TEX11: variants seen among roughly 807,000 people sequenced by gnomAD.
TEX11 encodes testis-expressed protein 11.
TEX11 carries 7 observed loss-of-function variants against 84.4 expected under a neutral mutation model. The observed-to-expected ratio is 0.08, with a 90% confidence interval of 0.05 to 0.16. TEX11 has a LOEUF of 0.16. Among genes scored for constraint, TEX11 ranks in the 10% least tolerant of loss-of-function variants. The probability of loss-of-function intolerance (pLI) is 1.00; values close to 1 mark genes in which losing one functional copy is unlikely to be tolerated. For missense variants in TEX11, 551 were observed against 660.5 expected, an observed-to-expected ratio of 0.83 and a Z score of 1.82; for synonymous variants, 264 against 222.8, an observed-to-expected ratio of 1.18 and a Z score of -1.64.
intron 9 of TEX11, among the ~76,000 whole-genome samples, chrX:70,768,114 T>G (rs2090951991): frequency 9.0e-6 from 1 of 111,185 alleles, no homozygotes; most frequent in Non-Finnish European, 1.9e-5. Flanking sequence ...AACTGAACAT[T>G]TTAAAATAAC....
At chrX:70,862,384 T>C (rs1390872626) in intron 4 of TEX11, among the ~76,000 whole-genome samples, 1 of 111,853 alleles carries the variant, frequency 8.9e-6, no homozygotes, top group Non-Finnish European at 1.9e-5. Flanking sequence ...GCAGCCATTC[T>C]ACCTATGCTA....
intron 17 of TEX11, among the ~76,000 whole-genome samples, chrX:70,641,361 A>T (rs1277988245): frequency 8.1e-5 from 9 of 111,021 alleles, no homozygotes; most frequent in Non-Finnish European, 1.3e-4. Flanking sequence ...CAGATCAACG[A>T]GACAGAAAGT....
At chrX:70,665,011 C>T (rs972085269) in intron 16 of TEX11, among the ~76,000 whole-genome samples, 1 of 110,763 alleles carries the variant, frequency 9.0e-6, no homozygotes, top group African/African-American at 3.3e-5. Context: ...ATAACCAGCA[C>T]ATGAGACATA....
the TEX11 span, among the ~76,000 whole-genome samples, chrX:70,516,906 G>A: frequency 1.8e-5 from 2 of 111,351 alleles, no homozygotes; most frequent in Admixed American, 9.6e-5. Flanking sequence ...GTTCACTCAC[G>A]ATTTGGCTCT....
At position 70,861,307 on chromosome X, in the gene TEX11, C is replaced by T. The variant is rs1359785209; in HGVS notation, c.245-371G>A. Among the ~76,000 whole-genome samples the T allele has an allele frequency of 3.7e-5, 4 of 108,919 alleles. No homozygotes were observed. In the Admixed American group the frequency reaches 3.9e-4, roughly 11 times the overall value. 94.6% of individuals were successfully genotyped at this position (108,919 alleles called of 115,157 possible). ...CGATCTCCTGACCTCGTGATCCGCC[C>T]GCCTCGGCCTCCCAAAGTGCTGGGA... On this transcript the variant is annotated intron_variant, in intron 4 of 29. Coordinates refer to ENST00000374333, the MANE Select transcript of TEX11 (RefSeq NM_031276.3).
At chrX:70,524,754 C>T (rs182411212), downstream of TEX11, among the ~76,000 whole-genome samples, 5 of 111,932 alleles carry the variant, frequency 4.5e-5, no homozygotes, top group African/African-American at 9.7e-5. Flanking sequence ...TTAGTAGAGA[C>T]GGGGTTTCTC....
At chrX:70,737,216 A>G (rs2090702485) in intron 11 of TEX11, among the ~76,000 whole-genome samples, 1 of 111,805 alleles carries the variant, frequency 8.9e-6, no homozygotes, top group Non-Finnish European at 1.9e-5. Flanking sequence ...TGAAAAATAT[A>G]TGGGATGAGA....
chrX:70,773,877 G>C (rs1331728029), intron 9 of TEX11, among the ~76,000 whole-genome samples: 2 of 111,452 alleles, frequency 1.8e-5, no homozygotes, highest in Non-Finnish European at 3.8e-5. Context: ...GAGGCAGCTT[G>C]CTTGGCCAAG....
At chrX:70,907,979 A>G (rs1322494665) in intron 1 of TEX11, among the ~76,000 whole-genome samples, 169 bp from the exon 2 acceptor site, 2 of 111,598 alleles carry the variant, frequency 1.8e-5, no homozygotes, top group East Asian at 5.6e-4. Flanking sequence ...CCAGGCTGCC[A>G]AGTTACATAA....
intron 28 of TEX11, among the ~76,000 whole-genome samples, chrX:70,549,385 G>GTAA (rs759927995): frequency 7.2e-5 from 8 of 111,195 alleles, no homozygotes; most frequent in Non-Finnish European, 1.5e-4. Flanking sequence ...GAGAAAAGCA[G>GTAA]AGGGAAGAGT....
At chrX:70,768,586 G>A (rs1452622768) in intron 9 of TEX11, among the ~76,000 whole-genome samples, 1 of 111,446 alleles carries the variant, frequency 9.0e-6, no homozygotes, top group Non-Finnish European at 1.9e-5. Flanking sequence ...GCAGGCAAGA[G>A]AGAGAGGGCA....
At chrX:70,595,052 A>G (rs146012538) in intron 24 of TEX11, among the ~76,000 whole-genome samples, 4,715 of 111,765 alleles carry the variant, frequency 0.042, 122 homozygotes, top group Non-Finnish European at 0.067. Context: ...GATGCTTAAT[A>G]TAAGAAACCA....
At chrX:70,766,798 G>C (rs758571149) in intron 9 of TEX11, among the ~76,000 whole-genome samples, 1 of 111,418 alleles carries the variant, frequency 9.0e-6, no homozygotes, top group Admixed American at 9.6e-5. Context: ...CAATGGAACA[G>C]AATAGAGATC....
chrX:70,629,083 T>C (rs1049706527), intron 18 of TEX11, among the ~76,000 whole-genome samples: 38 of 112,424 alleles, frequency 3.4e-4, no homozygotes, highest in African/African-American at 1.2e-3. Flanking sequence ...ACAGATTAAA[T>C]GGCAGAGCCA....
At chrX:70,567,681 G>GAA (rs1337596134) in intron 25 of TEX11, among the ~76,000 whole-genome samples, 1 of 111,380 alleles carries the variant, frequency 9.0e-6, no homozygotes, top group Non-Finnish European at 1.9e-5. Flanking sequence ...TCATTCAGGA[G>GAA]CAGGTTGTTC....
At chrX:70,608,479 C>T (rs1319982218) in intron 22 of TEX11, among the ~76,000 whole-genome samples, 2 of 111,904 alleles carry the variant, frequency 1.8e-5, no homozygotes, top group African/African-American at 3.2e-5. Flanking sequence ...CGGTGGCTTA[C>T]GCCTGTAATC....
chrX:70,711,417 T>C (rs1449895531), intron 13 of TEX11, among the ~76,000 whole-genome samples: 5 of 109,541 alleles, frequency 4.6e-5, no homozygotes, highest in South Asian at 8.1e-4. Context: ...AGTGTAAAAG[T>C]GTTCCTATTT....
chrX:70,854,258 T>C (rs1164334086), intron 5 of TEX11, among the ~76,000 whole-genome samples: 4 of 111,392 alleles, frequency 3.6e-5, no homozygotes. Flanking sequence ...ATAACATGCC[T>C]TTTCAGTTTT....
At chrX:70,819,926 A>G (rs1459553660) in intron 8 of TEX11, among the ~76,000 whole-genome samples, 1 of 111,817 alleles carries the variant, frequency 8.9e-6, no homozygotes, top group African/African-American at 3.2e-5. Context: ...AAGGGCACAT[A>G]GATAAATGGA....
Sources: gnomAD v4.1 joint callset for allele counts (sites outside exome capture counted in the v4.1 genomes callset) on GRCh38, gnomAD v4.1.1 for gene constraint, MANE v1.5 for transcripts, NCBI Gene and HGNC (gene_info 2026-07-23, HGNC 2026-07-21) for gene names.